Variants in QSOX2 observed in about 807,000 individuals in gnomAD.
The protein encoded by QSOX2 is sulfhydryl oxidase 2.
Under a neutral mutation model 61.7 loss-of-function variants are expected in QSOX2, and 46 were observed. The observed-to-expected ratio is 0.75, with a 90% CI of 0.59 to 0.95. QSOX2 has a LOEUF of 0.95. Among genes scored for constraint, QSOX2 ranks in the 40% least tolerant of loss-of-function variants. The pLI is 0.00. For missense variants in QSOX2, 879 were observed against 918.9 expected (o/e 0.96, Z 0.56); for synonymous variants, 383 against 388.4 (o/e 0.99, Z 0.16).
chr9:136,236,055 G>A (rs1199601514), intron 1 of QSOX2, among the ~76,000 whole-genome samples: 2 of 152,178 alleles, frequency 1.3e-5, no homozygotes, highest in Admixed American at 6.5e-5. Context: ...GTCAGGGCCA[G>A]GATGGGGGCT....
Position 136,221,910 on chromosome 9 carries a change from A to G in QSOX2, c.707T>C (p.Ile236Thr). 1.2e-6 allele frequency: 2 copies of G among 1,610,044 alleles called. No homozygotes were observed. The highest frequency in any genetic ancestry group is 1.7e-6 in the Non-Finnish European group (2 of 1,178,086). Residue 236 changes from isoleucine to threonine, a missense_variant, in exon 6 of 12, where the codon ATC becomes ACC. By Grantham distance (89) the Ile-to-Thr change is moderately conservative. Transcript: ENST00000358701. The surrounding 1 kb of genome is among the most constrained non-coding windows in gnomAD (Gnocchi z 4.5). The part of the protein sequence containing the change: ...VILDLIPYES[I>T]VVTRALDGDK... Reference sequence around the variant, plus strand: ...CCCGTCCAGTGCTCGGGTCACCACGATGCTTTCATACGGGATCAGGTCTAA... The same window carrying G: ...CCCGTCCAGTGCTCGGGTCACCACGGTGCTTTCATACGGGATCAGGTCTAA...
chr9:136,211,719 G>A (rs1831848592), intron 10 of QSOX2, among the ~76,000 whole-genome samples: 2 of 152,232 alleles, frequency 1.3e-5, no homozygotes, highest in South Asian at 4.1e-4. Flanking sequence ...CTGGTGCCAG[G>A]AGGATGAGCC....
At chr9:136,245,309 AGGGTTGGTCC>A (rs782379374) in intron 1 of QSOX2, among the ~76,000 whole-genome samples, 157 bp downstream of exon 1, 77 of 151,942 alleles carry the variant, frequency 5.1e-4, no homozygotes, top group Non-Finnish European at 8.8e-5. Context: ...TGGAAAGGCC[AGGGTTGGTCC>A]GAGTCGGGTG....
chr9:136,227,123 A>G (rs1413782001), intron 1 of QSOX2, among the ~76,000 whole-genome samples: 2 of 152,248 alleles, frequency 1.3e-5, no homozygotes, highest in Non-Finnish European at 2.9e-5. Flanking sequence ...GAACCTGCAC[A>G]TCACGGAGCA....
intron 1 of QSOX2, among the ~76,000 whole-genome samples, chr9:136,236,950 G>C (rs1001149052): frequency 7.1e-6 from 1 of 139,994 alleles, no homozygotes; most frequent in Non-Finnish European, 1.5e-5. Context: ...GCATCACCTG[G>C]TGCCCGTCCT....
rs928675089 is a variant in QSOX2, at chr9:136,223,390, G to C, written c.675+373C>G. Among the ~76,000 whole-genome samples, 2 of 152,142 alleles carry C rather than the reference G, an allele frequency of 1.3e-5. No homozygotes were observed. The highest frequency in any genetic ancestry group is 4.8e-5 in the African/African-American group (2 of 41,412). ...GAATCTTGGATTTGGCAAAAATGTT[G>C]AGAGTTCAGAATACGGCAACGAAAA... On this transcript the variant is annotated intron_variant, in intron 5 of 11. Coordinates refer to ENST00000358701, the MANE Select transcript of QSOX2 (RefSeq NM_181701.4). The surrounding 1 kb of genome is among the most constrained non-coding windows in gnomAD (Gnocchi z 4.4).
At position 136,223,341 on chromosome 9, in the gene QSOX2, T is replaced by A. The variant is rs1830243923; in HGVS notation, c.675+422A>T. 6.6e-6 allele frequency among the ~76,000 whole-genome samples: 1 copy of A among 152,176 alleles called. No homozygotes were observed. The highest frequency in any genetic ancestry group is 2.4e-5 in the African/African-American group (1 of 41,452). On this transcript the variant is annotated intron_variant, in intron 5 of 11. Transcript: ENST00000358701. This position sits in a 1 kb window ranked among gnomAD's most constrained non-coding sequence, Gnocchi z 4.4. ...GAACTGTACGTGTGAAATCAAAGTA[T>A]GACGATAGAAACGACGTTTTACAGA... is the stretch of plus-strand genomic sequence containing the variant.
At chr9:136,216,827 G>T (rs1053811220) in intron 8 of QSOX2, 105 bp from the exon 9 acceptor site, 7 of 1,410,530 alleles carry the variant, frequency 5.0e-6, no homozygotes, top group Non-Finnish European at 5.8e-6. Flanking sequence ...TCCGCAGAGG[G>T]GCTGAACCTA....
intron 1 of QSOX2, 58 bp from the exon 2 acceptor site, chr9:136,226,932 G>T (rs1395114283): frequency 1.4e-6 from 2 of 1,473,424 alleles, no homozygotes; most frequent in Non-Finnish European, 1.9e-6. Flanking sequence ...GGGAAGCCCA[G>T]GACCCAGCAG....
chr9:136,232,917 C>CAAAAAAAA (rs60814748), intron 1 of QSOX2, among the ~76,000 whole-genome samples: 57 of 44,738 alleles, frequency 1.3e-3, no homozygotes, highest in Non-Finnish European at 1.5e-3. Context: ...GAACCTGTCT[C>CAAAAAAAA]AAAAAAAAAA....
Position 136,209,411 on chromosome 9 carries a change from C to A in QSOX2, c.1550-136G>T. ...TGGCCCAGGGTCCTGCCAGGCCTCC[C>A]TCCCTGCCCTTCCCACCACCCGTCC... On this transcript the variant is annotated intron_variant, in intron 11 of 11. Coordinates refer to ENST00000358701, the MANE Select transcript of QSOX2 (RefSeq NM_181701.4). This position sits in a 1 kb window ranked among gnomAD's most constrained non-coding sequence, Gnocchi z 5.6. The A allele has an allele frequency of 6.7e-7, 1 of 1,496,446 alleles. No individual in the cohort carries two copies. 92.7% of individuals were successfully genotyped at this position (1,496,446 alleles called of 1,614,324 possible).
chr9:136,223,523 G>A lies in QSOX2; in HGVS notation c.675+240C>T, dbSNP rs151270670. On this transcript the variant is annotated intron_variant, in intron 5 of 11. Coordinates refer to ENST00000358701, the MANE Select transcript of QSOX2 (RefSeq NM_181701.4). The surrounding 1 kb of genome is among the most constrained non-coding windows in gnomAD (Gnocchi z 4.4). ...GCCCCCTCTTAGTTTCAAACCTAGG[G>A]TTAGGCCACCTTCTGAACCCCTCCC... Among the ~76,000 whole-genome samples the A allele has an allele frequency of 9.7e-4, 147 of 152,244 alleles. No homozygotes were observed. The highest frequency in any genetic ancestry group is 1.7e-3 in the Non-Finnish European group (119 of 68,024).
intron 9 of QSOX2, 84 bp downstream of exon 9, chr9:136,216,516 C>A (rs929445133): frequency 2.0e-5 from 31 of 1,564,464 alleles, no homozygotes; most frequent in Non-Finnish European, 2.6e-5. Flanking sequence ...GGGCCCCGAG[C>A]AGGGAGATGC....
Position 136,207,920 on chromosome 9 carries a change from CAGAT to C in QSOX2, c.*804_*807del, listed in dbSNP as rs1831789201. On this transcript the variant is annotated 3_prime_UTR_variant, in exon 12 of 12. Transcript: ENST00000358701. ...CATTTACTTGTCTCTCTCTTGTCAC[CAGAT>C]AGACAGACAAAGGCGCTGCCTCTGA... 1 of 152,390 alleles carries C rather than the reference CAGAT, an allele frequency of 6.6e-6. No individual in the cohort carries two copies. Among genetic ancestry groups the C allele is most frequent in the Non-Finnish European group, 1.5e-5 (1 of 68,132 alleles). The allele number at this position is 152,390 out of a possible 1,614,324, so 9.4% of individuals were successfully genotyped here.
intron 1 of QSOX2, among the ~76,000 whole-genome samples, chr9:136,242,243 A>C (rs1830438767): frequency 6.6e-6 from 1 of 152,284 alleles, no homozygotes; most frequent in South Asian, 2.1e-4. Flanking sequence ...TCAAGAGCTA[A>C]AGTTCAATCC....
chr9:136,216,513 G>C (rs55791344), intron 9 of QSOX2, 87 bp downstream of exon 9: 4 of 1,555,402 alleles, frequency 2.6e-6, no homozygotes, highest in Non-Finnish European at 2.6e-6. Context: ...CCCGGGCCCC[G>C]AGCAGGGAGA....
At position 136,218,705 on chromosome 9, in the gene QSOX2, T is replaced by C. The variant is rs1368673716; in HGVS notation, c.1060A>G (p.Lys354Glu). The change falls in exon 8 of 12, where the codon AAG (lysine) becomes GAG (glutamate). Residue 354 changes from lysine (K) to glutamate (E), a missense_variant. Transcript: ENST00000358701. ...TTGGCCAAGACAGTCACAAAGTCCTTGAGCGTCTTCAGCTCTGCTCCGGCC... is the reference window on the plus strand; with the variant it reads ...TTGGCCAAGACAGTCACAAAGTCCTCGAGCGTCTTCAGCTCTGCTCCGGCC... ...SLAGAELKTL[K>E]DFVTVLAKLF... 3 of 1,613,814 alleles carry C rather than the reference T, an allele frequency of 1.9e-6. No individual in the cohort carries two copies. Among genetic ancestry groups the C allele is most frequent in the East Asian group, 2.2e-5 (1 of 44,882 alleles).
intron 1 of QSOX2, among the ~76,000 whole-genome samples, chr9:136,242,507 C>T (rs1830440909): frequency 6.6e-6 from 1 of 152,264 alleles, no homozygotes; most frequent in African/African-American, 2.4e-5. Flanking sequence ...GGTGATTGAT[C>T]AGGGCCACAG....
rs775103213 is a variant in QSOX2, at chr9:136,215,136, T to C, written c.1360+18A>G. On this transcript the variant is annotated intron_variant, in intron 10 of 11. Transcript: ENST00000358701. The stretch of plus-strand genomic sequence containing the variant: ...AGGCAGACCATCGGCCCCTCTGGCC[T>C]GTATGGGCACAGCTTACCTGTGCCA... The C allele has an allele frequency of 1.6e-5, 25 of 1,611,000 alleles. No homozygotes were observed. The highest frequency in any genetic ancestry group is 2.1e-5 in the Non-Finnish European group (25 of 1,178,760).
Sources: allele counts gnomAD v4.1 joint callset (sites outside exome capture counted in the v4.1 genomes callset), GRCh38; gene constraint gnomAD v4.1.1; non-coding constraint Gnocchi (gnomAD v3.1); transcripts MANE v1.5; gene names NCBI Gene and HGNC (gene_info 2026-07-23, HGNC 2026-07-21).